COL15A1: variants seen among roughly 807,000 people sequenced by gnomAD.
The protein encoded by COL15A1 is collagen alpha-1(XV) chain.
In COL15A1, 111 loss-of-function variants were observed where a neutral mutation model predicts 165.9. The ratio of observed to expected loss-of-function variants is 0.67; its 90% CI spans 0.57 to 0.78. The LOEUF (loss-of-function observed/expected upper bound fraction) is 0.78. Ranked by LOEUF, COL15A1 falls within the 30% of genes least tolerant of loss-of-function variation. The pLI, the probability that COL15A1 is intolerant of heterozygous loss-of-function variation, is 0.00. For missense variants in COL15A1, 1,745 were observed against 1,789.7 expected (o/e 0.98, Z 0.45); for synonymous variants, 659 against 674.8 (o/e 0.98, Z 0.36).
At chr9:98,986,139 A>G in intron 3 of COL15A1, 27 bp downstream of exon 3, 1 of 1,574,264 alleles carries the variant, frequency 6.4e-7, no homozygotes, top group Non-Finnish European at 8.7e-7. Context: ...CTCCAGGTAG[A>G]TCAGGGAGGT....
chr9:99,056,295 A>G lies in COL15A1; in HGVS notation c.3228A>G (p.Gly1076=). 1 of 1,614,094 alleles carries G rather than the reference A, an allele frequency of 6.2e-7. No homozygotes were observed. The highest frequency in any genetic ancestry group is 8.5e-7 in the Non-Finnish European group (1 of 1,180,010). The change falls in exon 35 of 42, where the codon GGA becomes GGG. Residue 1076 remains glycine, a synonymous_variant. Coordinates refer to ENST00000375001, the MANE Select transcript of COL15A1 (RefSeq NM_001855.5). ...GGGAGACAGTCGTTGGGCCCCAAGG[A>G]CCCCCAGGTGCTCCTGGTCTGCCTG... ...QKGETVVGPQ[G]PPGAPGLPGP... is the part of the protein sequence containing the mutation.
At chr9:99,026,597 A>G (rs1839129498) in intron 16 of COL15A1, among the ~76,000 whole-genome samples, 1 of 152,070 alleles carries the variant, frequency 6.6e-6, no homozygotes, top group Non-Finnish European at 1.5e-5. Context: ...CCTCTTGGCC[A>G]GTGGGCTGGT....
chr9:99,025,078 A>C, intron 15 of COL15A1, 79 bp downstream of exon 15: 1 of 1,306,818 alleles, frequency 7.7e-7, no homozygotes, highest in Admixed American at 2.2e-5. Flanking sequence ...AGATTGCAAA[A>C]CCCAGCACTG....
intron 34 of COL15A1, among the ~76,000 whole-genome samples, chr9:99,055,603 T>C (rs574766005): frequency 3.3e-5 from 5 of 152,332 alleles, no homozygotes; most frequent in Admixed American, 3.3e-4. Flanking sequence ...TCCAGGCCAT[T>C]AGTCACACTG....
chr9:99,058,623 A>C (rs1417703868), intron 35 of COL15A1, among the ~76,000 whole-genome samples: 1 of 152,256 alleles, frequency 6.6e-6, no homozygotes, highest in Admixed American at 6.5e-5. Flanking sequence ...AATTCAGTTT[A>C]CAAAACACTT....
At chr9:99,024,782 G>C in intron 14 of COL15A1, 92 bp from the exon 15 acceptor site, 1 of 1,454,012 alleles carries the variant, frequency 6.9e-7, no homozygotes, top group Non-Finnish European at 9.3e-7. Context: ...ATGTAGGATT[G>C]TTGAAAGAAT....
At chr9:99,062,164 C>T in intron 37 of COL15A1, 65 bp downstream of exon 37, 1 of 1,600,240 alleles carries the variant, frequency 6.2e-7, no homozygotes, top group Non-Finnish European at 8.6e-7. Context: ...AATCTACTCC[C>T]ATAAATGCCA....
intron 30 of COL15A1, among the ~76,000 whole-genome samples, chr9:99,051,980 G>A (rs933362909): frequency 6.6e-6 from 1 of 152,172 alleles, no homozygotes; most frequent in Non-Finnish European, 1.5e-5. Flanking sequence ...GGCTGACCCG[G>A]TTTCACGGTT....
At chr9:98,949,626 T>C (rs1837646335) in intron 2 of COL15A1, among the ~76,000 whole-genome samples, 1 of 152,250 alleles carries the variant, frequency 6.6e-6, no homozygotes, top group Non-Finnish European at 1.5e-5. Flanking sequence ...TCCTAATTAT[T>C]AATTACCTTT....
At chr9:99,032,980 G>A (rs1013746973) in intron 16 of COL15A1, among the ~76,000 whole-genome samples, 2 of 152,154 alleles carry the variant, frequency 1.3e-5, no homozygotes, top group African/African-American at 4.8e-5. Context: ...TATACTCAAT[G>A]TCCTGATTGA....
chr9:98,989,238 G>C lies in COL15A1; in HGVS notation c.784G>C (p.Val262Leu), dbSNP rs147097210. Residue 262 changes from valine to leucine, a missense_variant, in exon 5 of 42, where the codon GTC (valine) becomes CTC (leucine). By Grantham distance (32) the Val-to-Leu change is conservative. Coordinates refer to ENST00000375001, the MANE Select transcript of COL15A1 (RefSeq NM_001855.5). ...ADGVAEILEA[V>L]TYTQASPKEA... ...CGGAGTAGCTGAGATCTTAGAAGCC[G>C]TCACCTACACTCAAGCCTCGGTGAG... 6.2e-7 allele frequency: 1 copy of C among 1,613,882 alleles called. No individual in the cohort carries two copies.
Position 99,035,106 on chromosome 9 carries a change from AC to A in COL15A1, c.2177del (p.Pro726LeufsTer26). On this transcript the variant is annotated frameshift_variant, in exon 18 of 42. Coordinates refer to ENST00000375001, the MANE Select transcript of COL15A1 (RefSeq NM_001855.5). LOFTEE classifies it high-confidence loss of function. ...TCATGGGACCCCCAGGGCCTCCTGG[AC>A]CCCCTGGGCCCCCAGGCCCTGGATG... The part of the protein sequence containing the change: ...GVMGPPGPPG[P>X]PGPPGPGCTM... 1.2e-6 allele frequency: 2 copies of A among 1,608,054 alleles called. No homozygotes were observed. Among genetic ancestry groups the A allele is most frequent in the Non-Finnish European group, 8.5e-7 (1 of 1,176,142 alleles).
rs113066631 is a variant in COL15A1 at position 99,046,194 on chromosome 9, T to A, written c.2679+1424T>A. Among the ~76,000 whole-genome samples, 1,159 of 152,332 alleles carry A rather than the reference T, an allele frequency of 7.6e-3. 8 individuals are homozygous for A. The highest frequency in any genetic ancestry group is 0.011 in the Admixed American group (166 of 15,310). ...CAGCTTGCCAAACACAGGCAGTAAG[T>A]GGCACCTTCTTCTAATTTGCATGAA... On this transcript the variant is annotated intron_variant, in intron 26 of 41. Coordinates refer to ENST00000375001, the MANE Select transcript of COL15A1 (RefSeq NM_001855.5).
intron 22 of COL15A1, 63 bp from the exon 23 acceptor site, chr9:99,040,458 G>C (rs1839382450): frequency 1.2e-6 from 2 of 1,613,598 alleles, no homozygotes; most frequent in Non-Finnish European, 8.5e-7. Flanking sequence ...GGAGGGAGGG[G>C]GTCCTGCTGA....
chr9:99,063,451 T>C (rs575548414), intron 39 of COL15A1, among the ~76,000 whole-genome samples: 2 of 152,212 alleles, frequency 1.3e-5, no homozygotes, highest in African/African-American at 4.8e-5. Context: ...TTCCTGTAAT[T>C]GCTAGTATTA....
Position 98,943,992 on chromosome 9 carries a change from C to A in COL15A1, c.-70C>A. 5 of 1,598,048 alleles carry A rather than the reference C, an allele frequency of 3.1e-6. No individual in the cohort carries two copies. The highest frequency in any genetic ancestry group is 4.3e-6 in the Non-Finnish European group (5 of 1,168,736). ...CGGCGGCCAGCGCTCAGCGACCCTT[C>A]GTCCTCCGCTAAGCTCCAACGCTCT... On this transcript the variant is annotated 5_prime_UTR_variant, in exon 1 of 42. Transcript: ENST00000375001.
chr9:99,020,793 G>A (rs1325017041), intron 12 of COL15A1, among the ~76,000 whole-genome samples: 1 of 152,190 alleles, frequency 6.6e-6, no homozygotes, highest in African/African-American at 2.4e-5. Context: ...CTCTGCCCCT[G>A]ATTTTCTTCC....
At chr9:99,032,153 C>T (rs1289699901) in intron 16 of COL15A1, among the ~76,000 whole-genome samples, 1 of 151,624 alleles carries the variant, frequency 6.6e-6, no homozygotes, top group African/African-American at 2.4e-5. Flanking sequence ...AATTCCTCTG[C>T]ATTGTTACTA....
At chr9:99,066,198 G>GA (rs1825888321) in intron 39 of COL15A1, among the ~76,000 whole-genome samples, 1 of 151,996 alleles carries the variant, frequency 6.6e-6, no homozygotes, top group Non-Finnish European at 1.5e-5. Context: ...CTGAGAGAGG[G>GA]CAGTAGTAGG....
Sources: allele counts gnomAD v4.1 joint callset (sites outside exome capture counted in the v4.1 genomes callset), GRCh38; gene constraint gnomAD v4.1.1; transcripts MANE v1.5; gene names NCBI Gene and HGNC (gene_info 2026-07-23, HGNC 2026-07-21).